The following DACH2 variants were observed in gnomAD, a reference collection of about 807,000 sequenced individuals.
DACH2 encodes dachshund family transcription factor 2, also known as dachshund homolog 2.
DACH2 carries 17 observed loss-of-function variants against 35.8 expected under a neutral mutation model. The observed-to-expected ratio is 0.48, with a 90% CI of 0.33 to 0.71. The LOEUF (loss-of-function observed/expected upper bound fraction) is 0.71, where lower values mean the gene tolerates loss of function less well. Ranked by LOEUF, DACH2 falls within the 30% of genes least tolerant of loss-of-function variation. DACH2 has a pLI of 0.02. For synonymous variants in DACH2, 195 were observed against 177.3 expected (o/e 1.10, Z -0.79); for missense variants, 469 against 472.7 (o/e 0.99, Z 0.07).
chrX:86,372,387 A>G (rs1271220420), intron 1 of DACH2, among the ~76,000 whole-genome samples: 1 of 111,158 alleles, frequency 9.0e-6, no homozygotes, highest in Non-Finnish European at 1.9e-5. Context: ...AAATTGATTG[A>G]TATTTGGGTA....
At chrX:86,533,057 T>A (rs76851185) in intron 3 of DACH2, among the ~76,000 whole-genome samples, 89 of 102,322 alleles carry the variant, frequency 8.7e-4, no homozygotes, top group Middle Eastern at 0.011. Flanking sequence ...TTATTTATTT[T>A]TTAATTTTTA....
rs1272645284 is a variant in DACH2 at position 86,313,337 on chromosome X, T to A, written c.489-63487T>A. ...CCTTAATATGACATTGCACAGGAGGTTTCAGATACATAGTAAGTAGATATT... is the reference window on the plus strand; with the variant it reads ...CCTTAATATGACATTGCACAGGAGGATTCAGATACATAGTAAGTAGATATT... On this transcript the variant is annotated intron_variant, in intron 1 of 11. Transcript: ENST00000373125. Among the ~76,000 whole-genome samples the A allele has an allele frequency of 5.4e-5, 6 of 111,432 alleles. No individual in the cohort carries two copies. The East Asian group carries it at 1.4e-3, about 26-fold the overall frequency.
chrX:86,335,990 G>A (rs2035301857), intron 1 of DACH2, among the ~76,000 whole-genome samples: 1 of 111,875 alleles, frequency 8.9e-6, no homozygotes, highest in Non-Finnish European at 1.9e-5. Flanking sequence ...GGCTTTTTCT[G>A]CATCTATTGA....
chrX:86,231,630 G>C (rs1427436962), intron 1 of DACH2, among the ~76,000 whole-genome samples: 1 of 111,854 alleles, frequency 8.9e-6, no homozygotes, highest in Non-Finnish European at 1.9e-5. Flanking sequence ...CCAGGTGGAG[G>C]GCAGGCTTAA....
intron 2 of DACH2, among the ~76,000 whole-genome samples, chrX:86,429,437 A>G (rs1354053217): frequency 1.8e-5 from 2 of 112,041 alleles, no homozygotes; most frequent in African/African-American, 6.5e-5. Flanking sequence ...TTCCAAATGT[A>G]ACCCGCAGGT....
chrX:86,396,505 G>C (rs1371736678), intron 2 of DACH2, among the ~76,000 whole-genome samples: 6 of 99,083 alleles, frequency 6.1e-5, no homozygotes, highest in African/African-American at 2.3e-4. Flanking sequence ...TTTCTTCTAG[G>C]GTTTTTATGG....
intron 2 of DACH2, among the ~76,000 whole-genome samples, chrX:86,449,945 G>A (rs184643730): frequency 1.8e-5 from 2 of 111,300 alleles, no homozygotes; most frequent in Admixed American, 1.9e-4. Context: ...GAGTATTCTT[G>A]TCTATGTATA....
chrX:86,743,952 A>G (rs957400960), intron 7 of DACH2, among the ~76,000 whole-genome samples: 1 of 111,333 alleles, frequency 9.0e-6, no homozygotes, highest in African/African-American at 3.3e-5. Flanking sequence ...ACATCTTGAT[A>G]GTAAAGCAGC....
chrX:86,669,624 G>A (rs183718708), intron 4 of DACH2, among the ~76,000 whole-genome samples: 3 of 111,033 alleles, frequency 2.7e-5, no homozygotes, highest in African/African-American at 9.8e-5. Flanking sequence ...GACAGTATAT[G>A]GTCAAATACA....
At chrX:86,815,352 C>A in intron 10 of DACH2, among the ~76,000 whole-genome samples, 1 of 110,728 alleles carries the variant, frequency 9.0e-6, no homozygotes, top group Non-Finnish European at 1.9e-5. Context: ...AACTTTTCTG[C>A]TTCCATTTTT....
chrX:86,294,762 G>C (rs1340498049), intron 1 of DACH2, among the ~76,000 whole-genome samples: 1 of 109,888 alleles, frequency 9.1e-6, no homozygotes, highest in Non-Finnish European at 1.9e-5. Context: ...CCCACTTGAG[G>C]AGGCAGTCTG....
intron 1 of DACH2, among the ~76,000 whole-genome samples, chrX:86,198,446 G>A (rs1483583742): frequency 9.0e-6 from 1 of 111,314 alleles, no homozygotes; most frequent in Non-Finnish European, 1.9e-5. Context: ...AGGAGATTGG[G>A]ACAGTTGAAA....
Position 86,720,847 on chromosome X carries a change from G to T in DACH2, c.1104+6127G>T, listed in dbSNP as rs368435330. 4.4e-4 allele frequency among the ~76,000 whole-genome samples: 50 copies of T among 112,744 alleles called. 1 individual carries two copies. The highest frequency in any genetic ancestry group is 3.4e-3 in the East Asian group (12 of 3,545). ...GGCTGTGTCCCTGCAGCAAACTTCT[G>T]CTGGATATCCAAAGGTTTCCATACA... On this transcript the variant is annotated intron_variant, in intron 6 of 11. Transcript: ENST00000373125.
chrX:86,615,236 T>TTCTGC (rs763195219), intron 3 of DACH2, among the ~76,000 whole-genome samples: 24 of 111,944 alleles, frequency 2.1e-4, no homozygotes, highest in Non-Finnish European at 4.0e-4. Context: ...TTTCAAGCAT[T>TTCTGC]TCTGGGATGA....
At chrX:86,667,475 GA>G (rs2040692585) in intron 4 of DACH2, among the ~76,000 whole-genome samples, 2 of 98,657 alleles carry the variant, frequency 2.0e-5, no homozygotes, top group African/African-American at 7.4e-5. Context: ...ATGAAAGAAA[GA>G]AAGAAGGAAG....
intron 1 of DACH2, among the ~76,000 whole-genome samples, chrX:86,264,953 C>T (rs1283201130): frequency 1.8e-5 from 2 of 110,907 alleles, no homozygotes; most frequent in Non-Finnish European, 3.8e-5. Flanking sequence ...GAAGTACAAA[C>T]CTAGGGGTAG....
intron 11 of DACH2, among the ~76,000 whole-genome samples, chrX:86,827,221 G>A (rs2042570276): frequency 8.9e-6 from 1 of 111,964 alleles, no homozygotes; most frequent in Non-Finnish European, 1.9e-5. Context: ...TAACCATCCT[G>A]TCAGGGAAGG....
chrX:86,290,896 G>T (rs1440856633), intron 1 of DACH2, among the ~76,000 whole-genome samples: 2 of 107,516 alleles, frequency 1.9e-5, no homozygotes, highest in Non-Finnish European at 3.8e-5. Flanking sequence ...GGATTGACTT[G>T]GCGATGCGGG....
intron 2 of DACH2, among the ~76,000 whole-genome samples, chrX:86,439,392 T>C (rs2037123187): frequency 1.8e-5 from 2 of 111,845 alleles, no homozygotes; most frequent in South Asian, 7.3e-4. Flanking sequence ...TGTGAATAAG[T>C]TTTTTAGTTT....
Sources: gnomAD v4.1 joint callset for allele counts (sites outside exome capture counted in the v4.1 genomes callset) on GRCh38, gnomAD v4.1.1 for gene constraint, MANE v1.5 for transcripts, NCBI Gene and HGNC (gene_info 2026-07-23, HGNC 2026-07-21) for gene names.